TMEM132C: variants seen among roughly 807,000 people sequenced by gnomAD.
The protein encoded by TMEM132C is transmembrane protein 132C.
TMEM132C carries 29 observed loss-of-function variants against 61.4 expected under a neutral mutation model. The ratio of observed to expected loss-of-function variants is 0.47; its 90% CI spans 0.35 to 0.64. TMEM132C has a LOEUF of 0.64. Among genes scored for constraint, TMEM132C ranks in the 30% least tolerant of loss-of-function variants. The probability of loss-of-function intolerance (pLI) is 0.00; values close to 1 mark genes in which losing one functional copy is unlikely to be tolerated. For synonymous variants in TMEM132C, 656 were observed against 633.1 expected (o/e 1.04, Z -0.54); for missense variants, 1,408 against 1,476.9 (o/e 0.95, Z 0.76).
intron 3 of TMEM132C, among the ~76,000 whole-genome samples, chr12:128,575,645 A>C (rs1565978885): frequency 6.6e-6 from 1 of 152,260 alleles, no homozygotes; most frequent in Non-Finnish European, 1.5e-5. Flanking sequence ...ACTTTTATAC[A>C]TGGGTGTGGA....
At chr12:128,625,782 T>A (rs1026392411) in intron 4 of TMEM132C, among the ~76,000 whole-genome samples, 2 of 152,172 alleles carry the variant, frequency 1.3e-5, no homozygotes, top group Non-Finnish European at 2.9e-5. Flanking sequence ...TATCAGACAC[T>A]GATCCCATTC....
chr12:128,287,616 A>G (rs1871116330), intron 1 of TMEM132C, among the ~76,000 whole-genome samples: 1 of 152,232 alleles, frequency 6.6e-6, no homozygotes, highest in Admixed American at 6.5e-5. Context: ...ATTCCTTAAA[A>G]TAAGGCAATT....
intron 2 of TMEM132C, among the ~76,000 whole-genome samples, chr12:128,487,562 T>C (rs576277761): frequency 1.5e-3 from 227 of 151,266 alleles, no homozygotes; most frequent in Non-Finnish European, 2.5e-3. Flanking sequence ...AAGTGCCCCA[T>C]GTAATCAGTT....
At chr12:128,692,340 CTGAGG>C (rs1954726605) in intron 5 of TMEM132C, among the ~76,000 whole-genome samples, 1 of 152,226 alleles carries the variant, frequency 6.6e-6, no homozygotes, top group Non-Finnish European at 1.5e-5. Flanking sequence ...TCATAAGCAG[CTGAGG>C]TAAGGAACCC....
chr12:128,353,468 G>A (rs1378277284), intron 1 of TMEM132C, among the ~76,000 whole-genome samples: 4 of 152,174 alleles, frequency 2.6e-5, no homozygotes, highest in Non-Finnish European at 1.5e-5. Context: ...AAATGCAGTG[G>A]CAGCATTCAC....
intron 3 of TMEM132C, among the ~76,000 whole-genome samples, chr12:128,550,277 TG>T (rs1028035804): frequency 8.1e-4 from 123 of 151,378 alleles, no homozygotes; most frequent in African/African-American, 2.7e-3. Context: ...CCTCTGTGCA[TG>T]GAGAGAGAGA....
chr12:128,582,892 G>A (rs551506898), intron 3 of TMEM132C, among the ~76,000 whole-genome samples: 26 of 152,120 alleles, frequency 1.7e-4, no homozygotes, highest in South Asian at 8.3e-4. Context: ...CTCCCACCTC[G>A]GCCTCCCAAA....
intron 1 of TMEM132C, among the ~76,000 whole-genome samples, chr12:128,339,076 A>G (rs1872874508): frequency 6.6e-6 from 1 of 152,026 alleles, no homozygotes. Context: ...AGGGTTTTCT[A>G]GCCTCTCTTC....
intron 2 of TMEM132C, among the ~76,000 whole-genome samples, chr12:128,488,807 G>T (rs1871599062): frequency 6.6e-6 from 1 of 151,938 alleles, no homozygotes; most frequent in Admixed American, 6.6e-5. Context: ...GATGCAAAGG[G>T]CTCTTAATAA....
chr12:128,358,005 C>T (rs577835432), intron 1 of TMEM132C, among the ~76,000 whole-genome samples: 10 of 152,196 alleles, frequency 6.6e-5, no homozygotes, highest in East Asian at 1.9e-4. Flanking sequence ...GGTTTTGTGT[C>T]GGCATCATTG....
At chr12:128,504,441 A>G (rs1159355259) in intron 2 of TMEM132C, among the ~76,000 whole-genome samples, 1 of 152,228 alleles carries the variant, frequency 6.6e-6, no homozygotes, top group Non-Finnish European at 1.5e-5. Flanking sequence ...GTTTGCTGCA[A>G]TATCTGTATT....
chr12:128,684,011 T>TAAAC (rs3044816), intron 5 of TMEM132C, among the ~76,000 whole-genome samples: 1 of 151,374 alleles, frequency 6.6e-6, no homozygotes, highest in East Asian at 1.9e-4. Context: ...AATAAATAAA[T>TAAAC]GTTGGTGCCT....
rs753914521 is a variant in TMEM132C, at chr12:128,695,912, C to T, written c.1738C>T (p.Arg580Trp). 72 of 1,551,550 alleles carry T rather than the reference C, an allele frequency of 4.6e-5. No homozygotes were observed. Among genetic ancestry groups the T allele is most frequent in the Non-Finnish European group, 5.9e-5 (68 of 1,147,018 alleles). Residue 580 changes from arginine (R) to tryptophan (W), a missense_variant, in exon 7 of 9, where the codon CGG becomes TGG. Arg to Trp is a moderately radical substitution (Grantham distance 101). Transcript: ENST00000435159. ...ACTGCAATACCAGCACGCCACCGTG[C>T]GGGTCCTCACCCAGTTTGTGTCTGA... The part of the protein sequence containing the change: ...CALQYQHATV[R>W]VLTQFVSEGA...
intron 1 of TMEM132C, among the ~76,000 whole-genome samples, chr12:128,345,912 T>C (rs530388240): frequency 6.6e-5 from 10 of 152,364 alleles, no homozygotes; most frequent in African/African-American, 9.6e-5. Flanking sequence ...TTGTCAGTTG[T>C]TGATTTTGTT....
At chr12:128,378,103 A>G (rs560053953) in intron 1 of TMEM132C, among the ~76,000 whole-genome samples, 24 of 122,582 alleles carry the variant, frequency 2.0e-4, no homozygotes, top group Admixed American at 5.0e-4. Flanking sequence ...GTGCAAAAAT[A>G]GAGCAGTTTT....
Position 128,428,075 on chromosome 12 carries a change from A to G in TMEM132C, c.974+12455A>G, listed in dbSNP as rs1035146390. 4.0e-5 allele frequency among the ~76,000 whole-genome samples: 6 copies of G among 151,804 alleles called. No individual in the cohort carries two copies. In the East Asian group the frequency reaches 7.8e-4, roughly 20 times the overall value. On this transcript the variant is annotated intron_variant, in intron 2 of 8. Coordinates refer to ENST00000435159, the MANE Select transcript of TMEM132C (RefSeq NM_001136103.3). ...TCCTATTGGGCTTCCAGACAATCCTATTTGTGTGGGGTTTGGCAGGTCATG... is the reference window on the plus strand; with the variant it reads ...TCCTATTGGGCTTCCAGACAATCCTGTTTGTGTGGGGTTTGGCAGGTCATG...
intron 2 of TMEM132C, among the ~76,000 whole-genome samples, chr12:128,526,995 GCCTCAAAGTATACACTTGTAATCCATGCA>G (rs1219416652): frequency 6.6e-6 from 1 of 152,162 alleles, no homozygotes; most frequent in Non-Finnish European, 1.5e-5. Flanking sequence ...AGGCAGGTGG[GCCTCAAAGTATACACTTGTAATCCATGCA>G]CCTCACTGCC....
chr12:128,593,404 G>C (rs1354043688), intron 3 of TMEM132C, among the ~76,000 whole-genome samples: 1 of 152,048 alleles, frequency 6.6e-6, no homozygotes, highest in Non-Finnish European at 1.5e-5. Flanking sequence ...AGTGGAGCTG[G>C]AGCTGGTCCT....
chr12:128,705,696 G>A lies in TMEM132C; in HGVS notation c.2728G>A (p.Glu910Lys), dbSNP rs867717839. The change falls in exon 9 of 9, where the codon GAA (glutamate) becomes AAA (lysine). Residue 910 changes from glutamate to lysine, a missense_variant. Physicochemically the swap from Glu to Lys is moderately conservative, Grantham distance 56. Coordinates refer to ENST00000435159, the MANE Select transcript of TMEM132C (RefSeq NM_001136103.3). The part of the protein sequence containing the change: ...DLPKAGSGLE[E>K]NDLVQTPRGL... The stretch of plus-strand genomic sequence containing the variant: ...CCCCAAGGCCGGGAGTGGGCTGGAG[G>A]AAAACGACCTGGTGCAGACTCCGCG... The A allele has an allele frequency of 2.6e-6, 4 of 1,551,478 alleles. No individual in the cohort carries two copies. The highest frequency in any genetic ancestry group is 3.5e-6 in the Non-Finnish European group (4 of 1,146,970).
Sources: allele counts gnomAD v4.1 joint callset (sites outside exome capture counted in the v4.1 genomes callset), GRCh38; gene constraint gnomAD v4.1.1; transcripts MANE v1.5; gene names NCBI Gene and HGNC (gene_info 2026-07-23, HGNC 2026-07-21).